RAP1GDS1: variants seen among roughly 807,000 people sequenced by gnomAD.
RAP1GDS1 encodes Rap1 GTPase-GDP dissociation stimulator 1.
In RAP1GDS1, 35 loss-of-function variants were observed where a neutral mutation model predicts 71.1. The observed-to-expected ratio is 0.49, with a 90% CI of 0.38 to 0.65. RAP1GDS1 has a LOEUF of 0.65. RAP1GDS1 is among the 30% of genes least tolerant of loss of function. RAP1GDS1 has a pLI of 0.00. For synonymous variants in RAP1GDS1, 229 were observed against 243.1 expected (o/e 0.94, Z 0.54); for missense variants, 663 against 706.1 (o/e 0.94, Z 0.69).
intron 5 of RAP1GDS1, among the ~76,000 whole-genome samples, chr4:98,380,030 A>C (rs1408550380): frequency 1.4e-5 from 2 of 138,002 alleles, no homozygotes; most frequent in African/African-American, 5.5e-5. Context: ...CATACTTTTT[A>C]TTTTTTTTCA....
chr4:98,306,186 A>G (rs1290410639), intron 2 of RAP1GDS1, among the ~76,000 whole-genome samples: 1 of 152,164 alleles, frequency 6.6e-6, no homozygotes. Context: ...GTGTCCATCC[A>G]TTTGTGCTGT....
chr4:98,382,390 C>G (rs1295415404), intron 5 of RAP1GDS1, among the ~76,000 whole-genome samples: 1 of 151,478 alleles, frequency 6.6e-6, no homozygotes, highest in South Asian at 2.1e-4. Flanking sequence ...TGAAAAAGCA[C>G]TCTTTGATTC....
At chr4:98,354,341 C>T (rs548247384) in intron 4 of RAP1GDS1, among the ~76,000 whole-genome samples, 1 of 152,274 alleles carries the variant, frequency 6.6e-6, no homozygotes, top group South Asian at 2.1e-4. Flanking sequence ...GGATTACAGG[C>T]GTGAGCCACC....
In RAP1GDS1 at chr4:98,338,100, G is replaced by A. The variant is rs182999262; in HGVS notation, c.113-5039G>A. Among the ~76,000 whole-genome samples, 24 of 152,220 alleles carry A rather than the reference G, an allele frequency of 1.6e-4. 1 individual carries two copies. In the South Asian group the frequency reaches 1.7e-3, roughly 11 times the overall value. ...ACTGAGAACTTGAAGTAATATGAAT[G>A]TAGAAAGGAAAAAGATAGATGCAAA... On this transcript the variant is annotated intron_variant, in intron 2 of 14. Coordinates refer to ENST00000408927, the MANE Select transcript of RAP1GDS1 (RefSeq NM_001100427.2).
At chr4:98,392,851 G>GTATT (rs1553995135) in intron 6 of RAP1GDS1, among the ~76,000 whole-genome samples, 1 of 151,962 alleles carries the variant, frequency 6.6e-6, no homozygotes, top group Non-Finnish European at 1.5e-5. Flanking sequence ...ATGTGTTATA[G>GTATT]TATTAGAAAA....
At chr4:98,275,876 A>C (rs996102493) in intron 1 of RAP1GDS1, among the ~76,000 whole-genome samples, 3 of 152,092 alleles carry the variant, frequency 2.0e-5, no homozygotes, top group African/African-American at 7.2e-5. Context: ...ATGTAAGTTT[A>C]GGCCCTTATT....
chr4:98,329,235 T>G (rs978183687), intron 2 of RAP1GDS1, among the ~76,000 whole-genome samples: 1 of 152,246 alleles, frequency 6.6e-6, no homozygotes, highest in Non-Finnish European at 1.5e-5. Context: ...CAACTATTTC[T>G]ACCTTTGTTC....
chr4:98,263,917 T>C (rs1281330306), intron 1 of RAP1GDS1, among the ~76,000 whole-genome samples: 1 of 152,160 alleles, frequency 6.6e-6, no homozygotes, highest in East Asian at 1.9e-4. Flanking sequence ...CTCTCTTCAA[T>C]GGTAAGGCAG....
intron 11 of RAP1GDS1, 88 bp downstream of exon 11, chr4:98,420,232 A>G: frequency 8.1e-7 from 1 of 1,227,174 alleles, no homozygotes; most frequent in Non-Finnish European, 1.1e-6. Flanking sequence ...TTTAGCTTTT[A>G]GGATTATGTA....
chr4:98,411,175 A>G (rs1470225733), intron 7 of RAP1GDS1, among the ~76,000 whole-genome samples: 2 of 152,218 alleles, frequency 1.3e-5, no homozygotes, highest in Admixed American at 1.3e-4. Context: ...CCTTGGACAG[A>G]ATGGTTTTGG....
chr4:98,275,718 A>G lies in RAP1GDS1; in HGVS notation c.4+14149A>G, dbSNP rs565703679. On this transcript the variant is annotated intron_variant, in intron 1 of 14. Coordinates refer to ENST00000408927, the MANE Select transcript of RAP1GDS1 (RefSeq NM_001100427.2). ...CCTTTCCACAAGACTTTTTCTCTCT[A>G]TGAATTCCCTATCTAAGTGAATGAT... Among the ~76,000 whole-genome samples, 6 of 152,180 alleles carry G rather than the reference A, an allele frequency of 3.9e-5. No individual in the cohort carries two copies. The South Asian group carries it at 6.2e-4, about 16-fold the overall frequency.
At chr4:98,325,342 A>G (rs1732833887) in intron 2 of RAP1GDS1, among the ~76,000 whole-genome samples, 1 of 151,318 alleles carries the variant, frequency 6.6e-6, no homozygotes, top group Non-Finnish European at 1.5e-5. Context: ...AACTAGGTCA[A>G]CCATTGTGGA....
intron 1 of RAP1GDS1, among the ~76,000 whole-genome samples, chr4:98,262,639 G>T (rs1443880503): frequency 6.6e-6 from 1 of 152,112 alleles, no homozygotes; most frequent in Non-Finnish European, 1.5e-5. Flanking sequence ...TTTAAAATTT[G>T]CTCCCTTGGC....
chr4:98,297,995 A>G (rs1337528887), intron 2 of RAP1GDS1, among the ~76,000 whole-genome samples: 2 of 152,194 alleles, frequency 1.3e-5, no homozygotes, highest in African/African-American at 2.4e-5. Flanking sequence ...AGAAGTCTAA[A>G]CAGCCTTATT....
chr4:98,379,874 A>G (rs1327688510), intron 5 of RAP1GDS1, among the ~76,000 whole-genome samples: 1 of 151,892 alleles, frequency 6.6e-6, no homozygotes. Context: ...TGTTCCTGGT[A>G]TGTAACACAA....
Position 98,392,858 on chromosome 4 carries a change from A to AAAAC in RAP1GDS1, c.637+782_637+785dup, listed in dbSNP as rs59662384. On this transcript the variant is annotated intron_variant, in intron 6 of 14. Transcript: ENST00000408927. ...ATGAATATATGTGTTATAGTATTAG[A>AAAAC]AAACAAAATCTGTGGAATCCTTGAA... is the stretch of plus-strand genomic sequence containing the variant. Among the ~76,000 whole-genome samples the AAAAC allele has an allele frequency of 8.8e-3, 1,335 of 152,310 alleles. 20 individuals carry two copies. The highest frequency in any genetic ancestry group is 0.03 in the African/African-American group (1,254 of 41,562).
At chr4:98,370,251 C>T (rs1014606929) in intron 4 of RAP1GDS1, among the ~76,000 whole-genome samples, 2 of 151,636 alleles carry the variant, frequency 1.3e-5, no homozygotes, top group African/African-American at 2.4e-5. Context: ...ATTGATGAAA[C>T]TGACTGTGTA....
chr4:98,313,771 C>T (rs1426462510), intron 2 of RAP1GDS1, among the ~76,000 whole-genome samples: 1 of 151,962 alleles, frequency 6.6e-6, no homozygotes, highest in Non-Finnish European at 1.5e-5. Flanking sequence ...CACTTCGGCC[C>T]AGGAGGTCGA....
intron 4 of RAP1GDS1, among the ~76,000 whole-genome samples, chr4:98,367,790 G>T (rs1374825004): frequency 6.6e-6 from 1 of 152,218 alleles, no homozygotes; most frequent in East Asian, 1.9e-4. Flanking sequence ...ATTTGGAATG[G>T]TTGTGTTTAT....
Sources: allele counts gnomAD v4.1 joint callset (sites outside exome capture counted in the v4.1 genomes callset), GRCh38; gene constraint gnomAD v4.1.1; transcripts MANE v1.5; gene names NCBI Gene and HGNC (gene_info 2026-07-23, HGNC 2026-07-21).